Variants in CA10 observed in about 807,000 individuals in gnomAD.
CA10 encodes carbonic anhydrase 10 (inactive).
CA10 carries 14 observed loss-of-function variants against 44.2 expected under a neutral mutation model. That is an observed-to-expected ratio of 0.32 (90% CI 0.21 to 0.50). The LOEUF is 0.50. Ranked by LOEUF, CA10 falls within the 20% of genes least tolerant of loss-of-function variation. The probability of loss-of-function intolerance (pLI) is 0.99; values close to 1 mark genes in which losing one functional copy is unlikely to be tolerated. For missense variants in CA10, 350 were observed against 409.7 expected, an observed-to-expected ratio of 0.85 and a Z score of 1.26; for synonymous variants, 159 against 141.6, an observed-to-expected ratio of 1.12 and a Z score of -0.87.
intron 4 of CA10, among the ~76,000 whole-genome samples, chr17:51,737,656 G>T (rs777352817): frequency 6.6e-6 from 1 of 152,182 alleles, no homozygotes; most frequent in South Asian, 2.1e-4. Flanking sequence ...GCAGAGAGGA[G>T]TGCTGAAGTC....
At chr17:51,820,417 C>CGG (rs1369247837) in intron 3 of CA10, among the ~76,000 whole-genome samples, 2 of 70,066 alleles carry the variant, frequency 2.9e-5, no homozygotes, top group African/African-American at 9.9e-5. Context: ...CCCCCCCCCC[C>CGG]CGCCCGCCGA....
chr17:51,844,712 T>A (rs1362214978), intron 3 of CA10, among the ~76,000 whole-genome samples: 2 of 152,154 alleles, frequency 1.3e-5, no homozygotes, highest in African/African-American at 4.8e-5. Context: ...TTTCAAAATA[T>A]GTCCACAAAA....
intron 4 of CA10, among the ~76,000 whole-genome samples, chr17:51,726,718 G>A (rs1417468540): frequency 6.6e-6 from 1 of 152,112 alleles, no homozygotes; most frequent in Non-Finnish European, 1.5e-5. Context: ...GGAAAGCACA[G>A]AGCATATTCT....
At chr17:51,812,431 T>C (rs1448603498) in intron 3 of CA10, among the ~76,000 whole-genome samples, 1 of 152,200 alleles carries the variant, frequency 6.6e-6, no homozygotes, top group African/African-American at 2.4e-5. Context: ...TTCACCATAG[T>C]GAAAATATTT....
rs943563055 is a variant in CA10, at chr17:51,999,846, T to C, written c.137-68714A>G. 2.0e-5 allele frequency among the ~76,000 whole-genome samples: 3 copies of C among 152,006 alleles called. No homozygotes were observed. The East Asian group carries it at 5.8e-4, about 30-fold the overall frequency. On this transcript the variant is annotated intron_variant, in intron 2 of 8. Transcript: ENST00000451037. ...ACAGAAGCAGTAGCTTCATATAGAC[T>C]GTTTATCCAGCACCCACAATTGCGT...
In CA10 at chr17:51,994,685, C is replaced by T. The variant is rs549746591; in HGVS notation, c.137-63553G>A. On this transcript the variant is annotated intron_variant, in intron 2 of 8. Transcript: ENST00000451037. ...TAGAATAAACTATATACATATAGAC[C>T]AATTTATTGATTTATAGTAAATACT... 1.7e-4 allele frequency among the ~76,000 whole-genome samples: 26 copies of T among 152,026 alleles called. No individual in the cohort carries two copies. The South Asian group carries it at 4.8e-3, about 28-fold the overall frequency.
At chr17:51,726,747 TA>T (rs1396691647) in intron 4 of CA10, among the ~76,000 whole-genome samples, 2 of 152,212 alleles carry the variant, frequency 1.3e-5, no homozygotes, top group Non-Finnish European at 2.9e-5. Context: ...TCTGTTCCCC[TA>T]CTATGACAAG....
intron 4 of CA10, among the ~76,000 whole-genome samples, chr17:51,685,115 G>A (rs1357803153): frequency 6.6e-6 from 1 of 152,182 alleles, no homozygotes. Flanking sequence ...ATATATGTTT[G>A]ATCTCCAGAA....
chr17:52,004,405 C>G (rs1446832366), intron 2 of CA10, among the ~76,000 whole-genome samples: 1 of 151,744 alleles, frequency 6.6e-6, no homozygotes, highest in East Asian at 1.9e-4. Flanking sequence ...ACAAAATTAC[C>G]CAGTTAATAA....
rs1987246214 is a variant in CA10, at chr17:52,056,972, G to A, written c.136+15347C>T. ...AAATTCAGGAATATGTGGTACAACA[G>A]CGATTAGAGACACGACTTGGCCTAC... On this transcript the variant is annotated intron_variant, in intron 2 of 8. Transcript: ENST00000451037. 2.0e-5 allele frequency among the ~76,000 whole-genome samples: 3 copies of A among 152,048 alleles called. No individual in the cohort carries two copies. The South Asian group carries it at 6.2e-4, about 32-fold the overall frequency.
chr17:51,733,388 A>G (rs912533980), intron 4 of CA10, among the ~76,000 whole-genome samples: 4 of 152,108 alleles, frequency 2.6e-5, no homozygotes, highest in African/African-American at 9.7e-5. Context: ...GGAGGCTGGG[A>G]AGCTGAAAAG....
chr17:51,713,725 TG>T (rs1567813526), intron 4 of CA10, among the ~76,000 whole-genome samples: 1 of 152,184 alleles, frequency 6.6e-6, no homozygotes, highest in Non-Finnish European at 1.5e-5. Context: ...CATATGGCCC[TG>T]GGGGGCACCA....
intron 2 of CA10, among the ~76,000 whole-genome samples, chr17:52,016,500 T>C (rs899693827): frequency 2.6e-5 from 4 of 152,080 alleles, no homozygotes; most frequent in Admixed American, 1.3e-4. Context: ...TGACCTCCAA[T>C]GTTGGGGTCT....
chr17:51,693,981 G>T (rs1915312918), intron 4 of CA10, among the ~76,000 whole-genome samples: 1 of 152,126 alleles, frequency 6.6e-6, no homozygotes, highest in African/African-American at 2.4e-5. Context: ...AAGGTGAGTG[G>T]ATCACCTGAG....
At chr17:51,853,399 G>T (rs1319574765) in intron 3 of CA10, among the ~76,000 whole-genome samples, 5 of 152,198 alleles carry the variant, frequency 3.3e-5, no homozygotes, top group African/African-American at 7.2e-5. Flanking sequence ...CTGGTCAGGG[G>T]CCTTGCTCCA....
intron 4 of CA10, among the ~76,000 whole-genome samples, chr17:51,713,358 A>G (rs1567813335): frequency 6.6e-6 from 1 of 152,226 alleles, no homozygotes; most frequent in Non-Finnish European, 1.5e-5. Flanking sequence ...TTTAATAGGC[A>G]GTGTAAGGTT....
rs797002843 is a variant in CA10, at chr17:51,717,648, CATATATACGT to C, written c.465+29975_465+29984del. On this transcript the variant is annotated intron_variant, in intron 4 of 8. Coordinates refer to ENST00000451037, the MANE Select transcript of CA10 (RefSeq NM_020178.5). ...ATGCACATATATGCATGTATATATA[CATATATACGT>C]ATATATACATGTATATATGTATATA... 1.2e-4 allele frequency among the ~76,000 whole-genome samples: 3 copies of C among 25,198 alleles called. No homozygotes were observed. The East Asian group carries it at 7.1e-3, about 60-fold the overall frequency. The allele number at this position is 25,198 out of a possible 152,430, so 16.5% of individuals were successfully genotyped here. A position where few individuals can be genotyped will look rare whatever the true frequency, so the allele number is the denominator to read the frequency against.
rs982951761 is a variant in CA10 at position 52,072,472 on chromosome 17, A to C, written c.62-79T>G. The C allele has an allele frequency of 1.3e-5, 13 of 1,001,636 alleles. No individual in the cohort carries two copies. The Admixed American group carries it at 2.5e-4, about 19-fold the overall frequency. 62.0% of individuals were successfully genotyped at this position (1,001,636 alleles called of 1,614,324 possible). On this transcript the variant is annotated intron_variant, in intron 1 of 8. Coordinates refer to ENST00000451037, the MANE Select transcript of CA10 (RefSeq NM_020178.5). Reference sequence around the variant, plus strand: ...CCCGGCTGTCCGAGTAAGAAGGGTGAATATCCATAAAATAACCCTTTTCTA... The same window carrying C: ...CCCGGCTGTCCGAGTAAGAAGGGTGCATATCCATAAAATAACCCTTTTCTA...
chr17:51,918,184 C>T (rs1982080217), intron 3 of CA10, among the ~76,000 whole-genome samples: 1 of 152,168 alleles, frequency 6.6e-6, no homozygotes, highest in African/African-American at 2.4e-5. Context: ...TAAATAGCAA[C>T]ATACTAAGTA....
Sources: allele counts gnomAD v4.1 joint callset (sites outside exome capture counted in the v4.1 genomes callset), GRCh38; gene constraint gnomAD v4.1.1; transcripts MANE v1.5; gene names NCBI Gene and HGNC (gene_info 2026-07-23, HGNC 2026-07-21).